DCC: variants seen among roughly 807,000 people sequenced by gnomAD.
DCC encodes netrin receptor DCC.
A neutral mutation model predicts 172.5 loss-of-function variants in DCC; 58 were observed. That is an observed-to-expected ratio of 0.34 (90% CI 0.27 to 0.42). The LOEUF is 0.42. DCC is among the 10% of genes least tolerant of loss of function. DCC has a pLI of 1.00. For missense variants in DCC, 1,740 were observed against 1,791.0 expected (o/e 0.97, Z 0.51); for synonymous variants, 709 against 644.5 (o/e 1.10, Z -1.52).
chr18:52,817,095 A>G (rs942335472), intron 2 of DCC, among the ~76,000 whole-genome samples: 1 of 152,152 alleles, frequency 6.6e-6, no homozygotes, highest in Admixed American at 6.5e-5. Flanking sequence ...CTTGATCCAA[A>G]TTATTTATTG....
At chr18:52,626,355 T>G (rs936442720) in intron 1 of DCC, among the ~76,000 whole-genome samples, 10 of 152,184 alleles carry the variant, frequency 6.6e-5, no homozygotes, top group African/African-American at 2.4e-4. Flanking sequence ...AAAATAGATC[T>G]CCAGTCTAAC....
chr18:53,156,785 C>T (rs1209957206), intron 7 of DCC, among the ~76,000 whole-genome samples: 5 of 151,956 alleles, frequency 3.3e-5, no homozygotes, highest in South Asian at 2.1e-4. Context: ...ATTGTAATAC[C>T]GTCTTTTACT....
chr18:52,785,554 C>T (rs2037640658), intron 2 of DCC, among the ~76,000 whole-genome samples: 1 of 152,088 alleles, frequency 6.6e-6, no homozygotes, highest in South Asian at 2.1e-4. Context: ...GCAGCTAGGG[C>T]TCCTCCTGGG....
intron 7 of DCC, among the ~76,000 whole-genome samples, chr18:53,089,523 C>T (rs73957026): frequency 0.04 from 6,036 of 151,940 alleles, 378 homozygotes; most frequent in African/African-American, 0.13. Flanking sequence ...TTTATAACTG[C>T]TTTGGAATAA....
chr18:53,320,666 G>A (rs1336817183), intron 13 of DCC, among the ~76,000 whole-genome samples: 2 of 152,168 alleles, frequency 1.3e-5, no homozygotes, highest in Non-Finnish European at 2.9e-5. Context: ...CCATCTTGTT[G>A]ATGTGGTTGA....
rs182391261 is a variant in DCC at position 52,926,305 on chromosome 18, C to A, written c.985+935C>A. ...GTCTTCAAAGGTTATTCAGAAAACA[C>A]TTTCATCTGTGGACATGGTAATAAT... On this transcript the variant is annotated intron_variant, in intron 5 of 28. Transcript: ENST00000442544. 2.0e-5 allele frequency among the ~76,000 whole-genome samples: 3 copies of A among 151,984 alleles called. No homozygotes were observed. In the East Asian group the frequency reaches 5.8e-4, roughly 29 times the overall value.
At chr18:53,127,322 A>G (rs540691487) in intron 7 of DCC, among the ~76,000 whole-genome samples, 31 of 151,984 alleles carry the variant, frequency 2.0e-4, no homozygotes, top group African/African-American at 5.3e-4. Flanking sequence ...TTTAATTCTT[A>G]ATGGTCATCA....
At chr18:52,559,114 T>G (rs1047192886) in intron 1 of DCC, among the ~76,000 whole-genome samples, 2 of 152,184 alleles carry the variant, frequency 1.3e-5, no homozygotes, top group African/African-American at 4.8e-5. Flanking sequence ...TGTTTTGTTT[T>G]GTTTTGTTTT....
At chr18:53,523,365 A>C (rs1340527954) in intron 27 of DCC, among the ~76,000 whole-genome samples, 1 of 152,220 alleles carries the variant, frequency 6.6e-6, no homozygotes, top group Non-Finnish European at 1.5e-5. Context: ...GTGATTCTTC[A>C]AGGATCTAGA....
intron 1 of DCC, among the ~76,000 whole-genome samples, chr18:52,428,300 C>T (rs1987509824): frequency 6.6e-6 from 1 of 152,210 alleles, no homozygotes; most frequent in East Asian, 1.9e-4. Flanking sequence ...TGTTCTTTGA[C>T]TCTTTTACAT....
intron 2 of DCC, among the ~76,000 whole-genome samples, chr18:52,881,733 T>C (rs919833524): frequency 9.2e-5 from 14 of 152,254 alleles, no homozygotes; most frequent in Middle Eastern, 3.4e-3. Flanking sequence ...AGTCAGGTAA[T>C]GTGATTATTT....
At chr18:52,627,433 G>A (rs1337035833) in intron 1 of DCC, among the ~76,000 whole-genome samples, 3 of 152,206 alleles carry the variant, frequency 2.0e-5, no homozygotes, top group Non-Finnish European at 4.4e-5. Context: ...TCAAGTTGCA[G>A]ACAATCACAA....
In DCC at chr18:52,794,771, G is replaced by A. The variant is rs142659106; in HGVS notation, c.412+42397G>A. 1.6e-3 allele frequency among the ~76,000 whole-genome samples: 247 copies of A among 152,000 alleles called. 1 individual carries two copies. Among genetic ancestry groups the A allele is most frequent in the African/African-American group, 5.7e-3 (236 of 41,504 alleles). On this transcript the variant is annotated intron_variant, in intron 2 of 28. Coordinates refer to ENST00000442544, the MANE Select transcript of DCC (RefSeq NM_005215.4). ...AAGTACGATGTTAGCTGTGTTGTGG[G>A]TTTGTCATATATATGGTCTTTCTTT...
intron 27 of DCC, among the ~76,000 whole-genome samples, chr18:53,525,712 A>G (rs2046447378): frequency 1.3e-5 from 2 of 152,090 alleles, no homozygotes; most frequent in African/African-American, 2.4e-5. Flanking sequence ...TAGAACCATT[A>G]GGACTAAAAT....
intron 1 of DCC, among the ~76,000 whole-genome samples, chr18:52,604,768 A>C (rs2144824269): frequency 6.6e-6 from 1 of 152,268 alleles, no homozygotes; most frequent in Non-Finnish European, 1.5e-5. Flanking sequence ...GGGGTCATCC[A>C]TCTCATTGTC....
chr18:52,831,286 C>T (rs1121861), intron 2 of DCC, among the ~76,000 whole-genome samples: 147,650 of 152,196 alleles, frequency 0.97, 71,791 homozygotes, highest in Middle Eastern at 1. Context: ...GAGAGCCAGA[C>T]CATGTAGTTG....
chr18:52,719,509 A>G (rs1402028086), intron 1 of DCC, among the ~76,000 whole-genome samples: 1 of 151,846 alleles, frequency 6.6e-6, no homozygotes, highest in African/African-American at 2.4e-5. Flanking sequence ...TATACCAGGC[A>G]CTCTGTTAGG....
chr18:53,028,870 T>C (rs115046653), intron 5 of DCC, among the ~76,000 whole-genome samples: 6,085 of 152,260 alleles, frequency 0.04, 456 homozygotes, highest in African/African-American at 0.14. Context: ...ATTCAGCTTA[T>C]ATTCAGCTAT....
intron 2 of DCC, among the ~76,000 whole-genome samples, chr18:52,852,340 A>C (rs2038987677): frequency 6.6e-6 from 1 of 152,140 alleles, no homozygotes; most frequent in Non-Finnish European, 1.5e-5. Context: ...TTATAGACTT[A>C]AAGGTTTACT....
Sources: gnomAD v4.1 joint callset for allele counts (sites outside exome capture counted in the v4.1 genomes callset) on GRCh38, gnomAD v4.1.1 for gene constraint, MANE v1.5 for transcripts, NCBI Gene and HGNC (gene_info 2026-07-23, HGNC 2026-07-21) for gene names.